ZNF318: variants seen among roughly 807,000 people sequenced by gnomAD.
ZNF318 encodes the protein zinc finger protein 318.
Under a neutral mutation model 124.2 loss-of-function variants are expected in ZNF318, and 51 were observed. The ratio of observed to expected loss-of-function variants is 0.41; its 90% CI spans 0.33 to 0.52. The LOEUF (loss-of-function observed/expected upper bound fraction) is 0.52. Among genes scored for constraint, ZNF318 ranks in the 20% least tolerant of loss-of-function variants. The pLI, the probability that ZNF318 is intolerant of heterozygous loss-of-function variation, is 0.23. For synonymous variants in ZNF318, 1,090 were observed against 1,040.7 expected (o/e 1.05, Z -0.91); for missense variants, 2,815 against 2,811.2 (o/e 1.00, Z -0.03).
At chr6:43,352,257 A>ACCACCATC (rs1554194965) in intron 5 of ZNF318, 120 bp downstream of exon 5, 49 of 356,598 alleles carry the variant, frequency 1.4e-4, no homozygotes, top group South Asian at 4.3e-4. Context: ...TTGTAAGTTT[A>ACCACCATC]ATTACGTCAA....
intron 9 of ZNF318, 68 bp from the exon 10 acceptor site, chr6:43,340,570 T>C (rs544285760): frequency 2.0e-6 from 3 of 1,504,284 alleles, no homozygotes; most frequent in South Asian, 2.7e-5. Context: ...TTGGCCCCGC[T>C]ACTGTTAGAA....
chr6:43,363,284 T>C (rs1779708708), intron 2 of ZNF318, among the ~76,000 whole-genome samples: 1 of 152,182 alleles, frequency 6.6e-6, no homozygotes, highest in Non-Finnish European at 1.5e-5. Context: ...CCAGACTACC[T>C]ACTCAATAAT....
Position 43,357,414 on chromosome 6 carries a change from T to G in ZNF318, c.900A>C (p.Arg300=). Residue 300 remains arginine, a synonymous_variant, in exon 3 of 10, where the codon CGA becomes CGC. Transcript: ENST00000361428. ...TAGGACTTGGGCTTCTTCTACGCTG[T>G]CGATAGTTGCGAGTTCCTGATGTAA... ...PSFTSGTRNY[R]QRRRSPSPRF... 6.2e-7 allele frequency: 1 copy of G among 1,614,168 alleles called. No individual in the cohort carries two copies.
chr6:43,368,644 A>G lies in ZNF318; in HGVS notation c.399+323T>C, dbSNP rs1779792697. 4 of 984,670 alleles carry G rather than the reference A, an allele frequency of 4.1e-6. No homozygotes were observed. In the South Asian group the frequency reaches 1.9e-4, roughly 46 times the overall value. The allele number at this position is 984,670 out of a possible 1,614,324, so 61.0% of individuals were successfully genotyped here. A position where few individuals can be genotyped will look rare whatever the true frequency, so the allele number is the denominator to read the frequency against. ...AACCCCGAGGACACATCAACTCTAC[A>G]AAAAGTACCAAGACACACGGTTTGG... On this transcript the variant is annotated intron_variant, in intron 1 of 9. Transcript: ENST00000361428.
rs775752391 is a variant in ZNF318, at chr6:43,338,768, G to C, written c.5230C>G (p.Gln1744Glu). Reference sequence around the variant, plus strand: ...CTGAGGTGGATTTCTACCAACTTCTGAGATTCTTTGCACTGTATATCTAAC... The same window carrying C: ...CTGAGGTGGATTTCTACCAACTTCTCAGATTCTTTGCACTGTATATCTAAC... Reference protein sequence around the residue: ...QLLDIQCKESQKLVEIHLRES... With the variant: ...QLLDIQCKESEKLVEIHLRES... Residue 1744 changes from glutamine to glutamate, a missense_variant, in exon 10 of 10, where the codon CAG becomes GAG. Around this residue, in one of 4 missense-constraint regions of ZNF318, gnomAD observed 927 missense variants for 820.6 expected, o/e 1.13. Coordinates refer to ENST00000361428, the MANE Select transcript of ZNF318 (RefSeq NM_014345.3). The C allele has an allele frequency of 6.2e-7, 1 of 1,614,004 alleles. No homozygotes were observed. The highest frequency in any genetic ancestry group is 8.5e-7 in the Non-Finnish European group (1 of 1,180,050).
intron 6 of ZNF318, among the ~76,000 whole-genome samples, chr6:43,348,107 T>C (rs375925132): frequency 3.9e-5 from 6 of 152,140 alleles, no homozygotes; most frequent in South Asian, 2.1e-4. Context: ...AACAAGAACA[T>C]AGAAGGTTCT....
rs1300582927 is a variant in ZNF318, at chr6:43,337,424, A to C, written c.6574T>G (p.Ser2192Ala). The change falls in exon 10 of 10, where the codon TCT becomes GCT. Residue 2192 changes from serine to alanine, a missense_variant. Around this residue, in one of 4 missense-constraint regions of ZNF318, gnomAD observed 927 missense variants for 820.6 expected, o/e 1.13. Transcript: ENST00000361428. ...CATTTAGAAGGGTCACCTGGCTCAG[A>C]GAGTGGAGAACACAGTTTATCTTTT... The part of the protein sequence containing the change: ...VQKDKLCSPL[S>A]EPGDPSKCSS... The C allele has an allele frequency of 3.1e-6, 5 of 1,614,088 alleles. No homozygotes were observed. The Admixed American group carries it at 5.0e-5, about 16-fold the overall frequency.
Position 43,357,416 on chromosome 6 carries a change from G to A in ZNF318, c.898C>T (p.Arg300Ter), listed in dbSNP as rs1428298510. 2 of 1,614,138 alleles carry A rather than the reference G, an allele frequency of 1.2e-6. No individual in the cohort carries two copies. Among genetic ancestry groups the A allele is most frequent in the Non-Finnish European group, 8.5e-7 (1 of 1,180,026 alleles). ...PSFTSGTRNY[R>*]QRRRSPSPRF... ...GGACTTGGGCTTCTTCTACGCTGTC[G>A]ATAGTTGCGAGTTCCTGATGTAAAA... is the stretch of plus-strand genomic sequence containing the variant. The change falls in exon 3 of 10, where the codon CGA becomes TGA. Residue 300 changes from arginine to a stop codon, truncating the protein, a stop_gained. Coordinates refer to ENST00000361428, the MANE Select transcript of ZNF318 (RefSeq NM_014345.3). LOFTEE classifies it high-confidence loss of function.
At chr6:43,358,465 T>C (rs1476031857) in intron 2 of ZNF318, among the ~76,000 whole-genome samples, 4 of 144,368 alleles carry the variant, frequency 2.8e-5, no homozygotes, top group East Asian at 2.1e-4. Context: ...GGTTTCACCA[T>C]GTTAGCCAGG....
rs1779563642 is a variant in ZNF318 at position 43,353,610 on chromosome 6, G to A, written c.2670+1054C>T. 2.6e-5 allele frequency among the ~76,000 whole-genome samples: 4 copies of A among 152,034 alleles called. No homozygotes were observed. The South Asian group carries it at 6.2e-4, about 24-fold the overall frequency. ...AGGATGGTCTTGATCTTCTGACCTC[G>A]TGATCCACCCGCCTCAGCCTCCCAA... On this transcript the variant is annotated intron_variant, in intron 4 of 9. Transcript: ENST00000361428.
At position 43,369,017 on chromosome 6, in the gene ZNF318, C is replaced by A; in HGVS notation, c.349G>T (p.Asp117Tyr). 2 of 1,434,368 alleles carry A rather than the reference C, an allele frequency of 1.4e-6. No homozygotes were observed. The highest frequency in any genetic ancestry group is 1.8e-6 in the Non-Finnish European group (2 of 1,092,074). 88.9% of individuals were successfully genotyped at this position (1,434,368 alleles called of 1,614,324 possible). ...TCTCCGCGGCCGTCCCGGGCATAGT[C>A]GGCGCGGGACTCCCCCCGGCTGCTG... ...RGSSRGESRA[D>Y]YARDGRGDHP... The change falls in exon 1 of 10, where the codon GAC (aspartate) becomes TAC (tyrosine). Residue 117 changes from aspartate (D) to tyrosine (Y), a missense_variant. This residue lies in a region of ZNF318 where 1,377 missense variants were observed against 1,353.5 expected (regional missense o/e 1.02). Transcript: ENST00000361428.
At chr6:43,362,843 T>C (rs113437098) in intron 2 of ZNF318, among the ~76,000 whole-genome samples, 2,746 of 152,260 alleles carry the variant, frequency 0.018, 41 homozygotes, top group Middle Eastern at 0.058. Flanking sequence ...GCCTGTATCA[T>C]TGGTTGAAGA....
At chr6:43,340,764 C>T in intron 9 of ZNF318, 26 bp downstream of exon 9, 1 of 1,589,724 alleles carries the variant, frequency 6.3e-7, no homozygotes, top group South Asian at 1.1e-5. Context: ...AAGTTGGAAA[C>T]TCCACAGCCT....
At position 43,338,192 on chromosome 6, in the gene ZNF318, T is replaced by C; in HGVS notation, c.5806A>G (p.Arg1936Gly). 6.2e-7 allele frequency: 1 copy of C among 1,614,186 alleles called. No individual in the cohort carries two copies. The change falls in exon 10 of 10, where the codon AGA (arginine) becomes GGA (glycine). Residue 1936 changes from arginine to glycine, a missense_variant. Physicochemically the swap from Arg to Gly is moderately radical, Grantham distance 125. Transcript: ENST00000361428. ...CTTTCTCTCTTGAGTTTGAGACTTC[T>C]GTACCTAGAAGTTCTAGAAGCTGAT... Reference protein sequence around the residue: ...PESASRTSRYRSLKLKRERSK... With the variant: ...PESASRTSRYGSLKLKRERSK...
chr6:43,352,443 G>C lies in ZNF318; in HGVS notation c.2704C>G (p.Arg902Gly). ...IEEREKLKNDREARQKKMYYL... is the reference protein window; with the variant it reads ...IEEREKLKNDGEARQKKMYYL... ...TACATCTTCTTCTGGCGGGCTTCCCGGTCATTCTTTAGTTTTTCCCTCTCT... is the reference window on the plus strand; with the variant it reads ...TACATCTTCTTCTGGCGGGCTTCCCCGTCATTCTTTAGTTTTTCCCTCTCT... The change falls in exon 5 of 10, where the codon CGG (arginine) becomes GGG (glycine). Residue 902 changes from arginine (R) to glycine (G), a missense_variant. Physicochemically the swap from Arg to Gly is moderately radical, Grantham distance 125 (BLOSUM62 -2). Coordinates refer to ENST00000361428, the MANE Select transcript of ZNF318 (RefSeq NM_014345.3). 7 of 1,613,972 alleles carry C rather than the reference G, an allele frequency of 4.3e-6. No homozygotes were observed. Among genetic ancestry groups the C allele is most frequent in the Non-Finnish European group, 5.9e-6 (7 of 1,179,986 alleles).
intron 5 of ZNF318, among the ~76,000 whole-genome samples, chr6:43,351,739 C>A (rs1295775922): frequency 3.4e-5 from 5 of 145,282 alleles, no homozygotes; most frequent in Non-Finnish European, 6.0e-5. Context: ...CCAGCCTGGG[C>A]AACAGAGCGA....
In ZNF318 at chr6:43,337,249, A is replaced by C; in HGVS notation, c.6749T>G (p.Ile2250Ser). 1 of 1,614,152 alleles carries C rather than the reference A, an allele frequency of 6.2e-7. No individual in the cohort carries two copies. The highest frequency in any genetic ancestry group is 8.5e-7 in the Non-Finnish European group (1 of 1,180,016). ...TCCCTGAGGGACCATATTGTCTTCA[A>C]TTACCTGCTCCCTTGGAGGGGACCT... Reference protein sequence around the residue: ...VSRSPPREQVIEDNMVPQGMP... With the variant: ...VSRSPPREQVSEDNMVPQGMP... Residue 2250 changes from isoleucine to serine, a missense_variant, in exon 10 of 10, where the codon ATT (isoleucine) becomes AGT (serine). Physicochemically the swap from Ile to Ser is moderately radical, Grantham distance 142. Around this residue, in one of 4 missense-constraint regions of ZNF318, gnomAD observed 927 missense variants for 820.6 expected, o/e 1.13. Coordinates refer to ENST00000361428, the MANE Select transcript of ZNF318 (RefSeq NM_014345.3).
rs1562133683 is a variant in ZNF318, at chr6:43,355,339, T to G, written c.1995A>C (p.Ser665=). 5.0e-6 allele frequency: 8 copies of G among 1,614,188 alleles called. No homozygotes were observed. The highest frequency in any genetic ancestry group is 6.8e-6 in the Non-Finnish European group (8 of 1,180,040). Residue 665 remains serine, a synonymous_variant, in exon 4 of 10, where the codon TCA becomes TCC. Coordinates refer to ENST00000361428, the MANE Select transcript of ZNF318 (RefSeq NM_014345.3). ...GGGGATCTGAGGAACGTCGATCAGC[T>G]GAGAAGCAGTGGTCAACTGAGGAAC... The part of the protein sequence containing the change: ...DRCSSVDHCF[S]ADRRSSDPHR...
intron 9 of ZNF318, 57 bp downstream of exon 9, chr6:43,340,733 G>T: frequency 6.4e-7 from 1 of 1,555,272 alleles, no homozygotes; most frequent in Non-Finnish European, 8.8e-7. Context: ...ATTTGACAAA[G>T]TCAAAATAAT....
Sources: gnomAD v4.1 joint callset for allele counts (sites outside exome capture counted in the v4.1 genomes callset) on GRCh38, gnomAD v4.1.1 for gene constraint, gnomAD v4.1.1 regional missense constraint, MANE v1.5 for transcripts, NCBI Gene and HGNC (gene_info 2026-07-23, HGNC 2026-07-21) for gene names.